Variants in ATP8A2 observed in about 807,000 individuals in gnomAD.
The protein encoded by ATP8A2 is ATPase phospholipid transporting 8A2.
A neutral mutation model predicts 165.6 loss-of-function variants in ATP8A2; 100 were observed. The ratio of observed to expected loss-of-function variants is 0.60; its 90% CI spans 0.51 to 0.71. The LOEUF is 0.71. Among genes scored for constraint, ATP8A2 ranks in the 30% least tolerant of loss-of-function variants. The pLI, the probability that ATP8A2 is intolerant of heterozygous loss-of-function variation, is 0.00. For synonymous variants in ATP8A2, 543 were observed against 548.8 expected, an observed-to-expected ratio of 0.99 and a Z score of 0.15; for missense variants, 1,227 against 1,479.5, an observed-to-expected ratio of 0.83 and a Z score of 2.80.
At chr13:25,908,309 G>A (rs1278618683) in intron 33 of ATP8A2, among the ~76,000 whole-genome samples, 1 of 152,202 alleles carries the variant, frequency 6.6e-6, no homozygotes, top group African/African-American at 2.4e-5. Context: ...TGGTAACAGT[G>A]ACTTAGGTGT....
chr13:26,014,513 T>C (rs899459847), intron 36 of ATP8A2, among the ~76,000 whole-genome samples: 4 of 152,104 alleles, frequency 2.6e-5, no homozygotes, highest in African/African-American at 4.8e-5. Flanking sequence ...GATGAGATCA[T>C]TGGGTGAGTT....
At position 25,904,034 on chromosome 13, in the gene ATP8A2, A is replaced by G. The variant is rs1426908066; in HGVS notation, c.3183+41626A>G. On this transcript the variant is annotated intron_variant, in intron 33 of 36. Coordinates refer to ENST00000381655, the MANE Select transcript of ATP8A2 (RefSeq NM_016529.6). ...TCCCTTATCCACAATACTTGGAATCACTGGTGTTTCGGATTTTGATTTTTT... is the reference window on the plus strand; with the variant it reads ...TCCCTTATCCACAATACTTGGAATCGCTGGTGTTTCGGATTTTGATTTTTT... Among the ~76,000 whole-genome samples, 3 of 152,146 alleles carry G rather than the reference A, an allele frequency of 2.0e-5. No homozygotes were observed. The East Asian group carries it at 5.8e-4, about 29-fold the overall frequency.
intron 35 of ATP8A2, among the ~76,000 whole-genome samples, chr13:25,985,990 T>C (rs1214002256): frequency 1.3e-5 from 2 of 152,240 alleles, no homozygotes; most frequent in Admixed American, 1.3e-4. Context: ...CCACGTGCTA[T>C]ATCCCTGTGT....
At chr13:25,954,602 A>G (rs1316806634) in intron 33 of ATP8A2, among the ~76,000 whole-genome samples, 3 of 152,300 alleles carry the variant, frequency 2.0e-5, no homozygotes, top group Non-Finnish European at 4.4e-5. Flanking sequence ...GACACCTCAT[A>G]CAAGAGAGCT....
intron 1 of ATP8A2, among the ~76,000 whole-genome samples, chr13:25,384,120 C>A (rs1216358035): frequency 6.6e-6 from 1 of 152,142 alleles, no homozygotes; most frequent in African/African-American, 2.4e-5. Flanking sequence ...ATTCAAAATT[C>A]TTTTTCTCTG....
At chr13:25,438,979 T>C (rs2034855722) in intron 1 of ATP8A2, among the ~76,000 whole-genome samples, 2 of 152,096 alleles carry the variant, frequency 1.3e-5, no homozygotes, top group South Asian at 4.1e-4. Flanking sequence ...GAATTCAAAG[T>C]GGAAAGGAGG....
In ATP8A2 at chr13:25,541,950, G is replaced by A. The variant is rs754404686; in HGVS notation, c.683G>A (p.Arg228His). The A allele has an allele frequency of 2.3e-5, 37 of 1,613,942 alleles. No homozygotes were observed. The highest frequency in any genetic ancestry group is 2.7e-5 in the African/African-American group (2 of 74,892). ...GLSHTADMQT[R>H]EVLMKLSGTI... is the part of the protein sequence containing the mutation. ...AGTCACACTGCTGACATGCAAACACGTGAAGTTCTGATGAAGTTATCTGGA... is the reference window on the plus strand; with the variant it reads ...AGTCACACTGCTGACATGCAAACACATGAAGTTCTGATGAAGTTATCTGGA... Residue 228 changes from arginine (R) to histidine (H), a missense_variant, in exon 9 of 37, where the codon CGT becomes CAT. By Grantham distance (29) the Arg-to-His change is conservative. Around this residue, in one of 5 missense-constraint regions of ATP8A2, gnomAD observed 356 missense variants for 394.9 expected, o/e 0.90. Transcript: ENST00000381655.
intron 33 of ATP8A2, among the ~76,000 whole-genome samples, chr13:25,873,416 A>G (rs560230028): frequency 6.6e-6 from 1 of 152,334 alleles, no homozygotes; most frequent in African/African-American, 2.4e-5. Context: ...CTTGTGTCAC[A>G]CTGCAACCAG....
At chr13:25,650,842 A>G (rs1396109828) in intron 24 of ATP8A2, among the ~76,000 whole-genome samples, 1 of 152,192 alleles carries the variant, frequency 6.6e-6, no homozygotes, top group Non-Finnish European at 1.5e-5. Context: ...GAAATAGCCA[A>G]CTTGGTCATG....
chr13:25,885,530 C>G lies in ATP8A2; in HGVS notation c.3183+23122C>G, dbSNP rs907432339. 5.9e-5 allele frequency among the ~76,000 whole-genome samples: 9 copies of G among 152,258 alleles called. 1 individual carries two copies. The highest frequency in any genetic ancestry group is 3.3e-4 in the Admixed American group (5 of 15,298). ...TAAAGGCTGGGGAGGAGGGCTGGAG[C>G]CTGCTGGGGTAATAGTGCCTGTCCT... On this transcript the variant is annotated intron_variant, in intron 33 of 36. Transcript: ENST00000381655.
chr13:25,838,052 G>A (rs967019069), intron 29 of ATP8A2, among the ~76,000 whole-genome samples: 25 of 152,284 alleles, frequency 1.6e-4, no homozygotes, highest in Non-Finnish European at 3.1e-4. Flanking sequence ...ATGGCTGCAC[G>A]GCCTTGTTTC....
chr13:25,892,478 GTCTCTC>G (rs144283908), intron 33 of ATP8A2, among the ~76,000 whole-genome samples: 27 of 136,248 alleles, frequency 2.0e-4, no homozygotes, highest in Middle Eastern at 7.4e-3. Context: ...CTGTCTCTCT[GTCTCTC>G]TCTCTCTCTC....
chr13:25,579,524 C>T (rs1191404151), intron 21 of ATP8A2, among the ~76,000 whole-genome samples: 1 of 152,140 alleles, frequency 6.6e-6, no homozygotes, highest in Non-Finnish European at 1.5e-5. Context: ...AACCTGTTTA[C>T]TGCACATGGA....
At chr13:25,472,548 C>T (rs2035876911) in intron 2 of ATP8A2, among the ~76,000 whole-genome samples, 1 of 152,026 alleles carries the variant, frequency 6.6e-6, no homozygotes, top group South Asian at 2.1e-4. Flanking sequence ...TTTATCTTGG[C>T]CATGAATGTT....
intron 24 of ATP8A2, among the ~76,000 whole-genome samples, chr13:25,621,181 TACC>T (rs2040958462): frequency 6.6e-6 from 1 of 152,174 alleles, no homozygotes; most frequent in South Asian, 2.1e-4. Flanking sequence ...CAGAAGAAGG[TACC>T]TTGAAATGTG....
At chr13:25,406,362 G>A (rs2033802030) in intron 1 of ATP8A2, among the ~76,000 whole-genome samples, 1 of 152,238 alleles carries the variant, frequency 6.6e-6, no homozygotes, top group East Asian at 1.9e-4. Context: ...TGACCTAAGG[G>A]CAAGATTTAT....
chr13:25,927,487 C>A (rs909233338), intron 33 of ATP8A2, among the ~76,000 whole-genome samples: 5 of 152,070 alleles, frequency 3.3e-5, no homozygotes, highest in African/African-American at 1.2e-4. Flanking sequence ...TGCTTTTGGG[C>A]CAGCAGAGTC....
intron 21 of ATP8A2, among the ~76,000 whole-genome samples, chr13:25,579,288 C>T (rs2039703305): frequency 6.6e-6 from 1 of 152,206 alleles, no homozygotes; most frequent in African/African-American, 2.4e-5. Context: ...CTATAAACAA[C>T]ACTGATGTCA....
At chr13:25,526,582 TC>T (rs1209148359) in intron 2 of ATP8A2, among the ~76,000 whole-genome samples, 2 of 152,204 alleles carry the variant, frequency 1.3e-5, no homozygotes, top group African/African-American at 2.4e-5. Context: ...TGGAGCACTG[TC>T]CATCCCAAAT....
Sources: gnomAD v4.1 joint callset for allele counts (sites outside exome capture counted in the v4.1 genomes callset) on GRCh38, gnomAD v4.1.1 for gene constraint, gnomAD v4.1.1 regional missense constraint, MANE v1.5 for transcripts, NCBI Gene and HGNC (gene_info 2026-07-23, HGNC 2026-07-21) for gene names.